The following TM2D3 variants were observed in gnomAD, a reference collection of about 807,000 sequenced individuals.
TM2D3 encodes TM2 domain containing 3.
Under a neutral mutation model 27.3 loss-of-function variants are expected in TM2D3, and 33 were observed. The ratio of observed to expected loss-of-function variants is 1.21; its 90% confidence interval spans 0.92 to 1.61. TM2D3 has a LOEUF of 1.61. TM2D3 is among the 40% of genes most tolerant of loss of function. The probability of loss-of-function intolerance (pLI) is 0.00; values close to 1 mark genes in which losing one functional copy is unlikely to be tolerated. For missense variants in TM2D3, 364 were observed against 320.8 expected (o/e 1.13, Z -1.03); for synonymous variants, 138 against 122.2 (o/e 1.13, Z -0.85).
downstream of TM2D3, among the ~76,000 whole-genome samples, chr15:101,638,076 T>C (rs1428009186): frequency 6.6e-6 from 1 of 152,118 alleles, no homozygotes; most frequent in East Asian, 1.9e-4. Flanking sequence ...CAGGGAATGA[T>C]GCAATGACCC....
downstream of TM2D3, among the ~76,000 whole-genome samples, chr15:101,641,100 G>A (rs139600292): frequency 4.5e-4 from 69 of 152,258 alleles, 1 homozygote; most frequent in East Asian, 9.7e-3. Flanking sequence ...TTTTATTATA[G>A]TTAGCAAAGG....
In TM2D3 at chr15:101,642,261, T is replaced by A; in HGVS notation, c.*218A>T. 3 of 1,231,380 alleles carry A rather than the reference T, an allele frequency of 2.4e-6. No individual in the cohort carries two copies. Among genetic ancestry groups the A allele is most frequent in the Non-Finnish European group, 3.0e-6 (3 of 985,204 alleles). 76.3% of individuals were successfully genotyped at this position (1,231,380 alleles called of 1,614,324 possible). A position where few individuals can be genotyped will look rare whatever the true frequency, so the allele number is the denominator to read the frequency against. ...AATTCATTCTCCTGGCTTAAGTACG[T>A]TTTAATTTTTTCACAGAAAAAAATA... On this transcript the variant is annotated 3_prime_UTR_variant, in exon 6 of 6. Coordinates refer to ENST00000333202, the MANE Select transcript of TM2D3 (RefSeq NM_078474.3).
At chr15:101,637,884 C>T (rs910690657), downstream of TM2D3, among the ~76,000 whole-genome samples, 1 of 152,158 alleles carries the variant, frequency 6.6e-6, no homozygotes, top group East Asian at 1.9e-4. Flanking sequence ...TGAACAAATT[C>T]CCTTGGTTTT....
intron 3 of TM2D3, among the ~76,000 whole-genome samples, chr15:101,649,267 C>A (rs562884356): frequency 6.6e-6 from 1 of 151,842 alleles, no homozygotes; most frequent in African/African-American, 2.4e-5. Context: ...ATTCTAGAAA[C>A]GCTTTTTCCT....
chr15:101,644,142 G>A (rs1351525562), intron 5 of TM2D3, among the ~76,000 whole-genome samples: 6 of 152,118 alleles, frequency 3.9e-5, no homozygotes, highest in Non-Finnish European at 7.3e-5. Context: ...CATCGCGCCC[G>A]CCCTATCTTA....
At position 101,648,424 on chromosome 15, in the gene TM2D3, A is replaced by G. The variant is rs373460019; in HGVS notation, c.328-1525T>C. On this transcript the variant is annotated intron_variant, in intron 3 of 5. Transcript: ENST00000333202. ...TGGATCTGCAAAATAATACGTTTACATCTGCCTATTTTCAGTGATGTGCTT... is the reference window on the plus strand; with the variant it reads ...TGGATCTGCAAAATAATACGTTTACGTCTGCCTATTTTCAGTGATGTGCTT... 7 of 152,364 alleles carry G rather than the reference A, an allele frequency of 4.6e-5. No individual in the cohort carries two copies. The East Asian group carries it at 1.3e-3, about 29-fold the overall frequency. 9.4% of individuals were successfully genotyped at this position (152,364 alleles called of 1,614,324 possible). A position where few individuals can be genotyped will look rare whatever the true frequency, so the allele number is the denominator to read the frequency against.
downstream of TM2D3, among the ~76,000 whole-genome samples, chr15:101,639,513 T>C (rs1321441841): frequency 6.6e-6 from 1 of 152,136 alleles, no homozygotes; most frequent in South Asian, 2.1e-4. Context: ...TGAATTAAAA[T>C]CATTTGCATA....
At chr15:101,646,629 A>G in intron 4 of TM2D3, 96 bp downstream of exon 4, 2 of 1,359,020 alleles carry the variant, frequency 1.5e-6, no homozygotes, top group Non-Finnish European at 2.1e-6. Flanking sequence ...AATGTTTCTA[A>G]TTAAGTAACT....
chr15:101,651,147 G>C (rs1326417219), intron 2 of TM2D3: 1 of 153,010 alleles, frequency 6.5e-6, no homozygotes, highest in Non-Finnish European at 1.5e-5. Flanking sequence ...CTATGTGGCT[G>C]GAAGGTGGAC....
intron 2 of TM2D3, 28 bp from the exon 3 acceptor site, chr15:101,650,189 C>T (rs770037793): frequency 1.9e-6 from 3 of 1,607,174 alleles, no homozygotes; most frequent in Admixed American, 3.4e-5. Flanking sequence ...GAAGCTTATT[C>T]TCCTATAATA....
At chr15:101,648,836 A>C (rs1050714695) in intron 3 of TM2D3, among the ~76,000 whole-genome samples, 3 of 112,304 alleles carry the variant, frequency 2.7e-5, no homozygotes, top group Non-Finnish European at 5.2e-5. Flanking sequence ...GCAGCTAAAA[A>C]ATAAGCACAC....
At position 101,652,194 on chromosome 15, in the gene TM2D3, G is replaced by A. The variant is rs771323019; in HGVS notation, c.91+77C>T. On this transcript the variant is annotated intron_variant, in intron 1 of 5. Coordinates refer to ENST00000333202, the MANE Select transcript of TM2D3 (RefSeq NM_078474.3). ...CTCCCCGCGTCAGCGTCCGCCCGTG[G>A]GCCCGGCCTCCTCGCAGCTCCCGGG... The A allele has an allele frequency of 1.0e-5, 14 of 1,343,804 alleles. No homozygotes were observed. The African/African-American group carries it at 2.0e-4, about 19-fold the overall frequency. The allele number at this position is 1,343,804 out of a possible 1,614,324, so 83.2% of individuals were successfully genotyped here.
Position 101,633,744 on chromosome 15 carries a change from A to G in TM2D3, c.501-16T>C. On this transcript the variant is annotated splice_polypyrimidine_tract_variant and intron_variant, in intron 4 of 4. Coordinates refer to the TM2D3 transcript ENST00000428002. Reference sequence around the variant, plus strand: ...GGCCTGCAGACTATACCCAAAAAGAAGAAGAATTTAAAAGAAAAAACAATT... The same window carrying G: ...GGCCTGCAGACTATACCCAAAAAGAGGAAGAATTTAAAAGAAAAAACAATT... 3 of 1,526,564 alleles carry G rather than the reference A, an allele frequency of 2.0e-6. No individual in the cohort carries two copies. In the South Asian group the frequency reaches 3.6e-5, roughly 18 times the overall value. 94.6% of individuals were successfully genotyped at this position (1,526,564 alleles called of 1,614,324 possible).
At chr15:101,644,914 C>T (rs190948594) in intron 5 of TM2D3, among the ~76,000 whole-genome samples, 173 bp downstream of exon 5, 1 of 152,342 alleles carries the variant, frequency 6.6e-6, no homozygotes, top group Non-Finnish European at 1.5e-5. Context: ...TGCCAGTCAA[C>T]TCCACGGAGG....
downstream of TM2D3, among the ~76,000 whole-genome samples, chr15:101,637,488 A>C (rs1896575490): frequency 6.6e-6 from 1 of 152,182 alleles, no homozygotes; most frequent in South Asian, 2.1e-4. Context: ...AAATATTTTG[A>C]TTTATCTGTC....
rs761039831 is a variant in TM2D3, at chr15:101,652,371, G to A, written c.-10C>T. ...GCACCCCTCCCGCCATCTTGCCAGC[G>A]CCTGCGCACTTCCGGGCCGGGGGGC... On this transcript the variant is annotated 5_prime_UTR_variant, in exon 1 of 6. Transcript: ENST00000333202. 2 of 1,587,190 alleles carry A rather than the reference G, an allele frequency of 1.3e-6. No individual in the cohort carries two copies. The highest frequency in any genetic ancestry group is 1.7e-6 in the Non-Finnish European group (2 of 1,168,222).
intron 3 of TM2D3, among the ~76,000 whole-genome samples, chr15:101,647,302 T>A (rs2141366656): frequency 6.6e-6 from 1 of 152,360 alleles, no homozygotes; most frequent in Non-Finnish European, 1.5e-5. Flanking sequence ...AACTGATGAA[T>A]GCATTTGTTG....
chr15:101,642,321 C>T lies in TM2D3; in HGVS notation c.*158G>A. 1 of 1,316,564 alleles carries T rather than the reference C, an allele frequency of 7.6e-7. No individual in the cohort carries two copies. 81.6% of individuals were successfully genotyped at this position (1,316,564 alleles called of 1,614,324 possible). Reference sequence around the variant, plus strand: ...CAAATAAAAACAAATTCCAGATTAGCATAGTTCAGCGTTTCATTTATCTTA... The same window carrying T: ...CAAATAAAAACAAATTCCAGATTAGTATAGTTCAGCGTTTCATTTATCTTA... On this transcript the variant is annotated 3_prime_UTR_variant, in exon 6 of 6. Coordinates refer to ENST00000333202, the MANE Select transcript of TM2D3 (RefSeq NM_078474.3).
intron 5 of TM2D3, 59 bp downstream of exon 5, chr15:101,645,028 T>G: frequency 6.9e-7 from 1 of 1,457,304 alleles, no homozygotes; most frequent in Admixed American, 1.8e-5. Flanking sequence ...TGTCTGAAGA[T>G]TCCACCAATC....
Sources: gnomAD v4.1 joint callset for allele counts (sites outside exome capture counted in the v4.1 genomes callset) on GRCh38, gnomAD v4.1.1 for gene constraint, MANE v1.5 for transcripts, NCBI Gene and HGNC (gene_info 2026-07-23, HGNC 2026-07-21) for gene names.